ATF6: variants seen among roughly 807,000 people sequenced by gnomAD.
The protein encoded by ATF6 is activating transcription factor 6.
ATF6 carries 53 observed loss-of-function variants against 83.6 expected under a neutral mutation model. The ratio of observed to expected loss-of-function variants is 0.63; its 90% CI spans 0.51 to 0.80. The LOEUF (loss-of-function observed/expected upper bound fraction) is 0.80, where lower values mean the gene tolerates loss of function less well. Ranked by LOEUF, ATF6 falls within the 30% of genes least tolerant of loss-of-function variation. The pLI is 0.00. For missense variants in ATF6, 744 were observed against 797.9 expected, an observed-to-expected ratio of 0.93 and a Z score of 0.81; for synonymous variants, 288 against 285.8, an observed-to-expected ratio of 1.01 and a Z score of -0.08.
intron 11 of ATF6, among the ~76,000 whole-genome samples, chr1:161,852,164 T>A (rs1219385941): frequency 1.3e-5 from 2 of 152,216 alleles, no homozygotes; most frequent in Non-Finnish European, 2.9e-5. Context: ...AAGATAATAA[T>A]TTGTGGGTAT....
In ATF6 at chr1:161,903,607, T is replaced by TA. The variant is rs879804840; in HGVS notation, c.1720-8679dup. Among the ~76,000 whole-genome samples, 14 of 150,878 alleles carry TA rather than the reference T, an allele frequency of 9.3e-5. No individual in the cohort carries two copies. In the South Asian group the frequency reaches 1.3e-3, roughly 14 times the overall value. ...CCTCAAACTTTTTGGTCCCTTTTTTTAAAAAAAAAATTATTGAACACTTAT... is the reference window on the plus strand; with the variant it reads ...CCTCAAACTTTTTGGTCCCTTTTTTTAAAAAAAAAAATTATTGAACACTTAT... On this transcript the variant is annotated intron_variant, in intron 14 of 15. Transcript: ENST00000367942.
Position 161,860,210 on chromosome 1 carries a change from G to T in ATF6, c.1537G>T (p.Ala513Ser). ...NQQKTRILQG[A>S]LEQGSNSQLM... Reference sequence around the variant, plus strand: ...TTTTTTTTTTTTAATATTCCAGGGTGCTCTGGAACAGGGCTCAAATTCTCA... The same window carrying T: ...TTTTTTTTTTTTAATATTCCAGGGTTCTCTGGAACAGGGCTCAAATTCTCA... Residue 513 changes from alanine (A) to serine (S), a missense_variant, in exon 13 of 16, where the codon GCT (alanine) becomes TCT (serine). Transcript: ENST00000367942. 1.3e-6 allele frequency: 2 copies of T among 1,581,062 alleles called. No individual in the cohort carries two copies. Among genetic ancestry groups the T allele is most frequent in the Non-Finnish European group, 8.6e-7 (1 of 1,162,436 alleles).
chr1:161,779,989 C>T (rs1463254593), intron 2 of ATF6, among the ~76,000 whole-genome samples: 3 of 152,104 alleles, frequency 2.0e-5, no homozygotes, highest in South Asian at 2.1e-4. Flanking sequence ...CCACCCACCT[C>T]GGCCTCCCAA....
At chr1:161,815,184 ATTTTTT>A (rs34687938) in intron 7 of ATF6, among the ~76,000 whole-genome samples, 4 of 96,452 alleles carry the variant, frequency 4.1e-5, no homozygotes, top group African/African-American at 9.5e-5. Context: ...TCCCATTTTA[ATTTTTT>A]TTTTTTTTTT....
At chr1:161,795,741 A>C (rs1479192690) in intron 6 of ATF6, among the ~76,000 whole-genome samples, 1 of 152,234 alleles carries the variant, frequency 6.6e-6, no homozygotes, top group African/African-American at 2.4e-5. Context: ...AACTGTTTCC[A>C]CACTAGGAAC....
chr1:161,806,789 A>C (rs1685292619), intron 7 of ATF6, among the ~76,000 whole-genome samples: 1 of 152,070 alleles, frequency 6.6e-6, no homozygotes, highest in South Asian at 2.1e-4. Context: ...ATCCTTTGCT[A>C]CTGGTTTGCA....
chr1:161,835,963 G>T (rs1272324643), intron 9 of ATF6, among the ~76,000 whole-genome samples: 1 of 152,170 alleles, frequency 6.6e-6, no homozygotes, highest in Non-Finnish European at 1.5e-5. Context: ...TTTGTTCTGG[G>T]TTAATGCTGC....
intron 15 of ATF6, among the ~76,000 whole-genome samples, chr1:161,951,800 A>T (rs1383387360): frequency 1.3e-5 from 2 of 152,096 alleles, no homozygotes; most frequent in Non-Finnish European, 2.9e-5. Context: ...AGGGAAAAAA[A>T]CTCATCTTCT....
At position 161,890,431 on chromosome 1, in the gene ATF6, G is replaced by T. The variant is rs535742306; in HGVS notation, c.1720-21865G>T. ...TTGCTCTGGAGACCCCATTTGGTGA[G>T]GTTCTTTTCAAAAGAGATTGTATAT... On this transcript the variant is annotated intron_variant, in intron 14 of 15. Coordinates refer to ENST00000367942, the MANE Select transcript of ATF6 (RefSeq NM_007348.4). Among the ~76,000 whole-genome samples, 12 of 152,308 alleles carry T rather than the reference G, an allele frequency of 7.9e-5. No homozygotes were observed. The South Asian group carries it at 2.5e-3, about 32-fold the overall frequency.
At chr1:161,841,038 T>G (rs923404381) in intron 9 of ATF6, among the ~76,000 whole-genome samples, 1 of 152,230 alleles carries the variant, frequency 6.6e-6, no homozygotes, top group Non-Finnish European at 1.5e-5. Context: ...GAGTCATTTC[T>G]TTGAGTTCTT....
At chr1:161,930,913 G>A (rs1437904960) in intron 15 of ATF6, among the ~76,000 whole-genome samples, 1 of 151,080 alleles carries the variant, frequency 6.6e-6, no homozygotes, top group East Asian at 1.9e-4. Flanking sequence ...TTCCCCTGGG[G>A]ACATAGTTTC....
At position 161,799,657 on chromosome 1, in the gene ATF6, C is replaced by T. The variant is rs576241108; in HGVS notation, c.689-2395C>T. ...AAAAATGTTTAATGATCATTTATGC[C>T]GAAGTATTAATACATTGTATCTACT... On this transcript the variant is annotated intron_variant, in intron 6 of 15. Coordinates refer to ENST00000367942, the MANE Select transcript of ATF6 (RefSeq NM_007348.4). 9.9e-5 allele frequency among the ~76,000 whole-genome samples: 15 copies of T among 152,108 alleles called. 1 individual carries two copies. The South Asian group carries it at 3.1e-3, about 32-fold the overall frequency.
intron 14 of ATF6, among the ~76,000 whole-genome samples, chr1:161,901,333 T>C (rs1687781666): frequency 6.6e-6 from 1 of 151,600 alleles, no homozygotes; most frequent in South Asian, 2.1e-4. Flanking sequence ...AAGGAAGATA[T>C]ACAAATGGCC....
intron 12 of ATF6, among the ~76,000 whole-genome samples, chr1:161,859,913 A>C (rs751961406): frequency 2.0e-5 from 3 of 152,164 alleles, no homozygotes; most frequent in Non-Finnish European, 4.4e-5. Context: ...ATGTTCAGTA[A>C]CACTTATATA....
At chr1:161,886,271 A>G (rs1687416995) in intron 14 of ATF6, among the ~76,000 whole-genome samples, 1 of 152,264 alleles carries the variant, frequency 6.6e-6, no homozygotes, top group African/African-American at 2.4e-5. Context: ...GAAGACAGAA[A>G]TATGATCAGA....
intron 8 of ATF6, 55 bp downstream of exon 8, chr1:161,819,873 A>G: frequency 7.2e-7 from 1 of 1,398,366 alleles, no homozygotes; most frequent in Non-Finnish European, 9.5e-7. Flanking sequence ...CTCTGGATTA[A>G]TAAATAGAGA....
intron 15 of ATF6, among the ~76,000 whole-genome samples, chr1:161,942,952 T>G (rs1030557327): frequency 4.6e-5 from 7 of 152,146 alleles, no homozygotes; most frequent in African/African-American, 1.7e-4. Context: ...GCCTCCAGGG[T>G]TCAAGTGATT....
intron 14 of ATF6, among the ~76,000 whole-genome samples, chr1:161,902,160 AC>A (rs1448328746): frequency 6.6e-6 from 1 of 152,180 alleles, no homozygotes; most frequent in African/African-American, 2.4e-5. Context: ...TTAATGGGTT[AC>A]CCTTGCCTGA....
chr1:161,815,273 C>T (rs1390090168), intron 7 of ATF6, among the ~76,000 whole-genome samples: 1 of 149,306 alleles, frequency 6.7e-6, no homozygotes, highest in East Asian at 2.0e-4. Flanking sequence ...CTCACTGCAG[C>T]CTCAACCTCC....
Sources: allele counts gnomAD v4.1 joint callset (sites outside exome capture counted in the v4.1 genomes callset), GRCh38; gene constraint gnomAD v4.1.1; transcripts MANE v1.5; gene names NCBI Gene and HGNC (gene_info 2026-07-23, HGNC 2026-07-21).